Variants in TACR1 observed in about 807,000 individuals in gnomAD.
TACR1 encodes the protein tachykinin receptor 1.
A neutral mutation model predicts 35.8 loss-of-function variants in TACR1; 25 were observed. The ratio of observed to expected loss-of-function variants is 0.70; its 90% CI spans 0.51 to 0.98. TACR1 has a LOEUF of 0.98. TACR1 is among the 50% of genes least tolerant of loss of function. The pLI, the probability that TACR1 is intolerant of heterozygous loss-of-function variation, is 0.00. For missense variants in TACR1, 478 were observed against 522.9 expected, an observed-to-expected ratio of 0.91 and a Z score of 0.84; for synonymous variants, 195 against 206.7, an observed-to-expected ratio of 0.94 and a Z score of 0.48.
At chr2:75,068,004 A>C (rs886425545) in intron 2 of TACR1, among the ~76,000 whole-genome samples, 1 of 152,216 alleles carries the variant, frequency 6.6e-6, no homozygotes, top group African/African-American at 2.4e-5. Flanking sequence ...CTGCACTTTC[A>C]TCTGGGCAAG....
At chr2:75,124,909 G>A (rs545524869) in intron 1 of TACR1, among the ~76,000 whole-genome samples, 1 of 152,262 alleles carries the variant, frequency 6.6e-6, no homozygotes, top group African/African-American at 2.4e-5. Flanking sequence ...TAACTCCTGT[G>A]TCCCACAAGC....
rs1237064627 is a variant in TACR1, at chr2:75,199,125, C to T, written c.-191G>A. 5 of 662,114 alleles carry T rather than the reference C, an allele frequency of 7.6e-6. No homozygotes were observed. The African/African-American group carries it at 9.1e-5, about 12-fold the overall frequency. The allele number at this position is 662,114 out of a possible 1,614,324, so 41.0% of individuals were successfully genotyped here. On this transcript the variant is annotated 5_prime_UTR_variant, in exon 1 of 5. Coordinates refer to ENST00000305249, the MANE Select transcript of TACR1 (RefSeq NM_001058.4). ...TAAACGCTTCTGGATGCACTGCCCG[C>T]CTGCCCGCGGTGGCTCTGAATTCCT...
chr2:75,183,360 T>G (rs748016849), intron 1 of TACR1, among the ~76,000 whole-genome samples: 19 of 152,216 alleles, frequency 1.2e-4, no homozygotes, highest in South Asian at 6.2e-4. Context: ...AAAGTTTAAT[T>G]TTTAAAAATT....
At chr2:75,061,962 T>A (rs1393179391) in intron 2 of TACR1, among the ~76,000 whole-genome samples, 2 of 152,230 alleles carry the variant, frequency 1.3e-5, no homozygotes, top group Non-Finnish European at 2.9e-5. Context: ...TCTGCTTGAT[T>A]AGATTAAATG....
At chr2:75,169,224 T>C (rs1455724518) in intron 1 of TACR1, among the ~76,000 whole-genome samples, 1 of 152,210 alleles carries the variant, frequency 6.6e-6, no homozygotes, top group Non-Finnish European at 1.5e-5. Flanking sequence ...TCATGTTTGA[T>C]AGATTACAAT....
chr2:75,129,720 G>A (rs749628176), intron 1 of TACR1, among the ~76,000 whole-genome samples: 1 of 152,200 alleles, frequency 6.6e-6, no homozygotes, highest in Non-Finnish European at 1.5e-5. Flanking sequence ...GGCAGGCTAT[G>A]TAAAAACTGC....
chr2:75,089,489 C>G (rs1673260939), intron 2 of TACR1, among the ~76,000 whole-genome samples: 1 of 152,140 alleles, frequency 6.6e-6, no homozygotes, highest in African/African-American at 2.4e-5. Flanking sequence ...TTAAGAGCAC[C>G]CTTTCGGGAG....
intron 2 of TACR1, among the ~76,000 whole-genome samples, chr2:75,109,979 T>A (rs570222263): frequency 6.6e-6 from 1 of 152,286 alleles, no homozygotes; most frequent in East Asian, 1.9e-4. Context: ...GAACTAGAGA[T>A]CTGACTTTAG....
chr2:75,059,433 G>A (rs1171434558), intron 2 of TACR1, among the ~76,000 whole-genome samples: 1 of 152,152 alleles, frequency 6.6e-6, no homozygotes, highest in East Asian at 1.9e-4. Flanking sequence ...GAATTGCCTA[G>A]GGAGCCTTGA....
chr2:75,133,835 A>T (rs1339770088), intron 1 of TACR1, among the ~76,000 whole-genome samples: 2 of 152,214 alleles, frequency 1.3e-5, no homozygotes, highest in Admixed American at 6.5e-5. Context: ...TCTAAATCAC[A>T]GGGTGACATA....
intron 2 of TACR1, 136 bp downstream of exon 2, chr2:75,120,438 A>G: frequency 1.4e-6 from 1 of 724,684 alleles, no homozygotes; most frequent in South Asian, 2.2e-5. Flanking sequence ...ATATGAGGGT[A>G]TATGTGAGAA....
intron 1 of TACR1, among the ~76,000 whole-genome samples, chr2:75,185,174 G>C (rs1483520601): frequency 1.3e-5 from 2 of 151,844 alleles, no homozygotes; most frequent in Admixed American, 1.3e-4. Context: ...AATGGTGTTT[G>C]AACAATAGGA....
chr2:75,084,255 C>T (rs550914262), intron 2 of TACR1, among the ~76,000 whole-genome samples: 7 of 152,188 alleles, frequency 4.6e-5, no homozygotes, highest in Admixed American at 1.3e-4. Flanking sequence ...ATTGAACCAG[C>T]CTTGCATCCC....
chr2:75,070,999 A>G (rs1270773816), intron 2 of TACR1, among the ~76,000 whole-genome samples: 1 of 152,236 alleles, frequency 6.6e-6, no homozygotes, highest in Non-Finnish European at 1.5e-5. Flanking sequence ...GTTTTATGGC[A>G]TGTAAAAATT....
At chr2:75,132,764 A>C (rs1674203905) in intron 1 of TACR1, among the ~76,000 whole-genome samples, 1 of 152,214 alleles carries the variant, frequency 6.6e-6, no homozygotes, top group Admixed American at 6.5e-5. Context: ...AAACCTGAGA[A>C]TACTTCCAGA....
At chr2:75,149,584 G>A (rs1674626625) in intron 1 of TACR1, among the ~76,000 whole-genome samples, 1 of 152,144 alleles carries the variant, frequency 6.6e-6, no homozygotes, top group Admixed American at 6.5e-5. Context: ...TTTGCACATT[G>A]ATTTTGTATC....
intron 2 of TACR1, among the ~76,000 whole-genome samples, chr2:75,115,084 C>CGTGTGTGTGTGTGT (rs3079164): frequency 2.7e-5 from 4 of 148,672 alleles, no homozygotes; most frequent in Non-Finnish European, 6.0e-5. Flanking sequence ...TGTTAACATA[C>CGTGTGTGTGTGTGT]GTGTGTGTGT....
At chr2:75,068,717 A>G (rs879186851) in intron 2 of TACR1, among the ~76,000 whole-genome samples, 1 of 152,178 alleles carries the variant, frequency 6.6e-6, no homozygotes, top group South Asian at 2.1e-4. Context: ...TTCCCTTAGC[A>G]TAACTCGGGA....
At chr2:75,143,229 G>A (rs992082642) in intron 1 of TACR1, among the ~76,000 whole-genome samples, 9 of 152,148 alleles carry the variant, frequency 5.9e-5, no homozygotes, top group African/African-American at 2.2e-4. Context: ...GATCCTGATT[G>A]GCCTTGCTGA....
Sources: allele counts gnomAD v4.1 joint callset (sites outside exome capture counted in the v4.1 genomes callset), GRCh38; gene constraint gnomAD v4.1.1; transcripts MANE v1.5; gene names NCBI Gene and HGNC (gene_info 2026-07-23, HGNC 2026-07-21).